The following PHACTR1 variants were observed in gnomAD, a reference collection of about 807,000 sequenced individuals.
PHACTR1 encodes the protein RPEL repeat containing 1.
PHACTR1 carries 16 observed loss-of-function variants against 69.2 expected under a neutral mutation model. That is an observed-to-expected ratio of 0.23 (90% CI 0.16 to 0.35). The LOEUF is 0.35. Among genes scored for constraint, PHACTR1 ranks in the 10% least tolerant of loss-of-function variants. The pLI, the probability that PHACTR1 is intolerant of heterozygous loss-of-function variation, is 1.00. For missense variants in PHACTR1, 510 were observed against 734.7 expected (o/e 0.69, Z 3.54); for synonymous variants, 312 against 284.5 (o/e 1.10, Z -0.97).
At chr6:12,944,016 A>G (rs1270070416) in intron 4 of PHACTR1, among the ~76,000 whole-genome samples, 1 of 152,234 alleles carries the variant, frequency 6.6e-6, no homozygotes, top group African/African-American at 2.4e-5. Context: ...AACTTTGCCA[A>G]ACTGCATGTG....
chr6:12,814,467 A>T (rs1581877832), intron 4 of PHACTR1, among the ~76,000 whole-genome samples: 1 of 152,142 alleles, frequency 6.6e-6, no homozygotes, highest in South Asian at 2.1e-4. Context: ...GGCCACAGAT[A>T]CTCTCTGGAA....
intron 4 of PHACTR1, among the ~76,000 whole-genome samples, chr6:12,831,022 G>A (rs967087912): frequency 6.6e-6 from 1 of 152,156 alleles, no homozygotes; most frequent in African/African-American, 2.4e-5. Context: ...ACTGAACTGT[G>A]TGCCTAACAT....
intron 10 of PHACTR1, among the ~76,000 whole-genome samples, chr6:13,249,268 G>C (rs888905213): frequency 6.6e-6 from 1 of 152,078 alleles, no homozygotes; most frequent in Non-Finnish European, 1.5e-5. Context: ...TCAGAACTGT[G>C]CATGTGAGGG....
At chr6:12,787,627 G>A (rs1771700097) in intron 4 of PHACTR1, among the ~76,000 whole-genome samples, 1 of 152,176 alleles carries the variant, frequency 6.6e-6, no homozygotes, top group South Asian at 2.1e-4. Context: ...ATTTGCAGTT[G>A]AGCTCCTGCT....
chr6:12,831,246 C>A (rs146237510), intron 4 of PHACTR1, among the ~76,000 whole-genome samples: 1 of 152,140 alleles, frequency 6.6e-6, no homozygotes. Flanking sequence ...AATTACGATG[C>A]ATTTTTGAAA....
rs551477435 is a variant in PHACTR1 at position 13,287,687 on chromosome 6, T to A, written c.*609T>A. On this transcript the variant is annotated 3_prime_UTR_variant, in exon 15 of 15. Coordinates refer to ENST00000332995, the MANE Select transcript of PHACTR1 (RefSeq NM_030948.6). ...AATGAACAAAAGGGAAGGGCCCATTTCTGGGGGAGTCTGGCTGCCTCTTGG... is the reference window on the plus strand; with the variant it reads ...AATGAACAAAAGGGAAGGGCCCATTACTGGGGGAGTCTGGCTGCCTCTTGG... 6.5e-6 allele frequency: 1 copy of A among 152,726 alleles called. No individual in the cohort carries two copies. The highest frequency in any genetic ancestry group is 1.9e-4 in the East Asian group (1 of 5,200). 9.5% of individuals were successfully genotyped at this position (152,726 alleles called of 1,614,324 possible). A position where few individuals can be genotyped will look rare whatever the true frequency, so the allele number is the denominator to read the frequency against.
intron 7 of PHACTR1, among the ~76,000 whole-genome samples, chr6:13,190,484 A>G (rs148893225): frequency 8.3e-4 from 126 of 152,220 alleles, no homozygotes; most frequent in African/African-American, 2.9e-3. Flanking sequence ...GGGGGACACA[A>G]TTCAGTCCAC....
chr6:12,872,706 C>T (rs1223515550), intron 4 of PHACTR1, among the ~76,000 whole-genome samples: 2 of 152,084 alleles, frequency 1.3e-5, no homozygotes, highest in Non-Finnish European at 2.9e-5. Context: ...ACATCAAATG[C>T]CCCCCGAAGT....
intron 4 of PHACTR1, among the ~76,000 whole-genome samples, chr6:12,872,515 A>T (rs965063718): frequency 6.6e-6 from 1 of 152,212 alleles, no homozygotes; most frequent in Admixed American, 6.5e-5. Context: ...TTTTATGTAC[A>T]TATGTACATA....
chr6:13,167,299 G>T (rs1241439716), intron 6 of PHACTR1, among the ~76,000 whole-genome samples: 2 of 152,190 alleles, frequency 1.3e-5, no homozygotes, highest in Admixed American at 6.5e-5. Context: ...AGTGGTGATT[G>T]TGCTATTTCC....
intron 4 of PHACTR1, among the ~76,000 whole-genome samples, chr6:12,882,800 T>C (rs528225415): frequency 6.6e-6 from 1 of 152,272 alleles, no homozygotes; most frequent in African/African-American, 2.4e-5. Flanking sequence ...GTGGGTTCAA[T>C]AGAAAAAATA....
intron 4 of PHACTR1, among the ~76,000 whole-genome samples, chr6:12,795,214 C>T (rs1772827297): frequency 6.7e-6 from 1 of 150,308 alleles, no homozygotes; most frequent in Admixed American, 6.6e-5. Context: ...ATGATATTTC[C>T]TAGAGAGAGA....
At chr6:12,956,534 A>G (rs1791920286) in intron 4 of PHACTR1, among the ~76,000 whole-genome samples, 1 of 152,148 alleles carries the variant, frequency 6.6e-6, no homozygotes, top group East Asian at 1.9e-4. Flanking sequence ...GGGTTGCAAT[A>G]TGGTTGAAAG....
chr6:12,789,542 A>G (rs1581755587), intron 4 of PHACTR1, among the ~76,000 whole-genome samples: 1 of 151,256 alleles, frequency 6.6e-6, no homozygotes, highest in Non-Finnish European at 1.5e-5. Flanking sequence ...AGCCCATAAC[A>G]CTCTTCCAGA....
At chr6:12,974,458 C>T (rs1468580083) in intron 4 of PHACTR1, among the ~76,000 whole-genome samples, 2 of 152,154 alleles carry the variant, frequency 1.3e-5, no homozygotes, top group South Asian at 2.1e-4. Context: ...ACAAATGTCC[C>T]GGCCCGTTAA....
intron 4 of PHACTR1, among the ~76,000 whole-genome samples, chr6:12,779,872 C>T (rs1770594337): frequency 6.6e-6 from 1 of 152,092 alleles, no homozygotes; most frequent in Non-Finnish European, 1.5e-5. Context: ...ATAGATAGAG[C>T]ATCTCAAGTA....
intron 5 of PHACTR1, among the ~76,000 whole-genome samples, chr6:13,113,216 A>G (rs912405690): frequency 6.6e-6 from 1 of 152,188 alleles, no homozygotes; most frequent in Admixed American, 6.6e-5. Flanking sequence ...AAAACAAAAA[A>G]AACTTAGATG....
intron 10 of PHACTR1, among the ~76,000 whole-genome samples, chr6:13,250,841 G>A (rs1016006580): frequency 4.6e-5 from 7 of 152,214 alleles, no homozygotes; most frequent in Admixed American, 6.5e-5. Flanking sequence ...GACAGGTGGT[G>A]CACAAATGGA....
chr6:13,244,030 G>A (rs781607782), intron 10 of PHACTR1, among the ~76,000 whole-genome samples: 2 of 152,094 alleles, frequency 1.3e-5, no homozygotes, highest in South Asian at 2.1e-4. Context: ...GACCTGCCCC[G>A]ATAATCACGT....
Sources: gnomAD v4.1 joint callset for allele counts (sites outside exome capture counted in the v4.1 genomes callset) on GRCh38, gnomAD v4.1.1 for gene constraint, MANE v1.5 for transcripts, NCBI Gene and HGNC (gene_info 2026-07-23, HGNC 2026-07-21) for gene names.